SRSF5: variants seen among roughly 807,000 people sequenced by gnomAD.
SRSF5 encodes serine/arginine-rich splicing factor 5.
SRSF5 carries 5 observed loss-of-function variants against 34.0 expected under a neutral mutation model. The ratio of observed to expected loss-of-function variants is 0.15; its 90% CI spans 0.08 to 0.31. The LOEUF is 0.31. SRSF5 is among the 10% of genes least tolerant of loss of function. SRSF5 has a pLI of 1.00. For synonymous variants in SRSF5, 164 were observed against 117.7 expected (o/e 1.39, Z -2.55); for missense variants, 223 against 351.4 (o/e 0.63, Z 2.92).
intron 1 of SRSF5, 178 bp downstream of exon 1, chr14:69,767,433 G>A (rs1411691858): frequency 8.8e-6 from 4 of 455,920 alleles, no homozygotes; most frequent in Admixed American, 2.3e-5. Context: ...GGGTACTGAG[G>A]TGAAAGGGCG....
chr14:69,770,762 G>A (rs1297008077), intron 6 of SRSF5: 1 of 637,114 alleles, frequency 1.6e-6, no homozygotes, highest in Non-Finnish European at 2.7e-6. Flanking sequence ...GTCAGTAGGG[G>A]CTAGGCATCC....
At position 69,768,285 on chromosome 14, in the gene SRSF5, A is replaced by C; in HGVS notation, c.126+3A>C. The C allele has an allele frequency of 6.2e-7, 1 of 1,614,170 alleles. No individual in the cohort carries two copies. Among genetic ancestry groups the C allele is most frequent in the Middle Eastern group, 1.7e-4 (1 of 6,060 alleles). On this transcript the variant is annotated splice_donor_region_variant and intron_variant, in intron 2 of 7. Coordinates refer to ENST00000557154, the MANE Select transcript of SRSF5 (RefSeq NM_001320214.2). ...TGAAAAGAGGCTTTGGTTTTGTGGT[A>C]AGTATTTAGAACTGGGTGAATTATC...
chr14:69,771,337 G>C lies in SRSF5; in HGVS notation c.695G>C (p.Arg232Thr), dbSNP rs1883182366. The C allele has an allele frequency of 6.2e-7, 1 of 1,614,020 alleles. No homozygotes were observed. Among genetic ancestry groups the C allele is most frequent in the Admixed American group, 1.7e-5 (1 of 60,008 alleles). ...CGGAGCAAGTCCCGTTCTGTTAGTA[G>C]GTCTCCCGTGCCTGAGAAGAGCCAG... ...RSRSKSRSVS[R>T]SPVPEKSQKR... The change falls in exon 8 of 8, where the codon AGG becomes ACG. Residue 232 changes from arginine to threonine, a missense_variant. This residue lies in a region of SRSF5 where 115 missense variants were observed against 119.7 expected (regional missense o/e 0.96). Coordinates refer to ENST00000557154, the MANE Select transcript of SRSF5 (RefSeq NM_001320214.2).
chr14:69,769,041 T>C (rs746375407), intron 4 of SRSF5, 141 bp from the exon 5 acceptor site: 4 of 1,282,410 alleles, frequency 3.1e-6, no homozygotes, highest in Non-Finnish European at 4.5e-6. Flanking sequence ...TTGATGAATC[T>C]ATATGAGTCA....
At chr14:69,769,011 C>T (rs1594750566) in intron 4 of SRSF5, 115 bp downstream of exon 4, 3 of 1,290,214 alleles carry the variant, frequency 2.3e-6, no homozygotes, top group Non-Finnish European at 3.3e-6. Context: ...TTCTTCTATT[C>T]CCACGTTAGC....
rs1882769737 is a variant in SRSF5, at chr14:69,768,195, A to G, written c.39A>G (p.Pro13=). 1 of 1,614,240 alleles carries G rather than the reference A, an allele frequency of 6.2e-7. No homozygotes were observed. The highest frequency in any genetic ancestry group is 1.3e-5 in the African/African-American group (1 of 75,064). The change falls in exon 2 of 8, where the codon CCA becomes CCG. Residue 13 remains proline, a synonymous_variant. Coordinates refer to ENST00000557154, the MANE Select transcript of SRSF5 (RefSeq NM_001320214.2). ...GGGTATTCATCGGGAGACTAAATCC[A>G]GCGGCCAGGGAGAAGGACGTGGAAA... is the stretch of plus-strand genomic sequence containing the variant. ...GCRVFIGRLN[P]AAREKDVERF...
Position 69,768,171 on chromosome 14 carries a change from G to C in SRSF5, c.15G>C (p.Arg5=), listed in dbSNP as rs1202447832. Residue 5 remains arginine (R), a synonymous_variant, in exon 2 of 8, where the codon CGG becomes CGC. Coordinates refer to ENST00000557154, the MANE Select transcript of SRSF5 (RefSeq NM_001320214.2). MSGC[R]VFIGRLNPAA... ...AGCCGGACATCATGAGTGGCTGTCG[G>C]GTATTCATCGGGAGACTAAATCCAG... 2.5e-6 allele frequency: 4 copies of C among 1,614,050 alleles called. No individual in the cohort carries two copies. Among genetic ancestry groups the C allele is most frequent in the Non-Finnish European group, 3.4e-6 (4 of 1,180,036 alleles).
chr14:69,769,690 AG>A, intron 5 of SRSF5: 1 of 1,472,012 alleles, frequency 6.8e-7, no homozygotes, highest in South Asian at 1.3e-5. Flanking sequence ...TTGAAGTGCC[AG>A]GTTGCAGCGA....
chr14:69,769,033 G>C, intron 4 of SRSF5, 137 bp downstream of exon 4: 1 of 1,285,448 alleles, frequency 7.8e-7, no homozygotes, highest in Non-Finnish European at 1.1e-6. Flanking sequence ...AGTTGTTCTT[G>C]ATGAATCTAT....
intron 5 of SRSF5, chr14:69,770,109 T>A: frequency 9.7e-7 from 1 of 1,035,666 alleles, no homozygotes; most frequent in Non-Finnish European, 1.2e-6. Context: ...TGTTCTGTTT[T>A]TTTAAATAAA....
intron 2 of SRSF5, 99 bp downstream of exon 2, chr14:69,768,381 A>G (rs1882794827): frequency 1.3e-6 from 2 of 1,523,676 alleles, no homozygotes; most frequent in Admixed American, 3.6e-5. Flanking sequence ...TTGCCTTCAG[A>G]AAATGTTACC....
intron 4 of SRSF5, 58 bp from the exon 5 acceptor site, chr14:69,769,124 T>C (rs1348436381): frequency 6.3e-7 from 1 of 1,597,452 alleles, no homozygotes; most frequent in East Asian, 2.2e-5. Context: ...TGCCCACAGT[T>C]GAACACAAGT....
At chr14:69,769,326 GTTTTA>G in intron 5 of SRSF5, 75 bp downstream of exon 5, 1 of 1,576,006 alleles carries the variant, frequency 6.3e-7, no homozygotes, top group South Asian at 1.2e-5. Flanking sequence ...ATGTTGTATT[GTTTTA>G]TTAAAAGTAG....
chr14:69,769,764 C>T (rs1566627223), intron 5 of SRSF5: 7 of 1,358,618 alleles, frequency 5.2e-6, no homozygotes, highest in South Asian at 3.9e-5. Context: ...GTAACGCTTC[C>T]GAATAAGAGG....
At chr14:69,768,079 A>G (rs934706584) in intron 1 of SRSF5, 59 bp from the exon 2 acceptor site, 2 of 1,577,748 alleles carry the variant, frequency 1.3e-6, no homozygotes, top group Admixed American at 3.4e-5. Flanking sequence ...TGATTGTTTA[A>G]TCAGGCGTTT....
chr14:69,768,684 C>T lies in SRSF5; in HGVS notation c.197+10C>T. The T allele has an allele frequency of 3.1e-6, 5 of 1,613,974 alleles. No individual in the cohort carries two copies. The highest frequency in any genetic ancestry group is 2.2e-5 in the South Asian group (2 of 91,072). ...AACTCTGTAGTGAAAGGTGAGATTCCTGTGTAACTAGATAACCCTGGGACA... is the reference window on the plus strand; with the variant it reads ...AACTCTGTAGTGAAAGGTGAGATTCTTGTGTAACTAGATAACCCTGGGACA... On this transcript the variant is annotated intron_variant, in intron 3 of 7. Coordinates refer to ENST00000557154, the MANE Select transcript of SRSF5 (RefSeq NM_001320214.2).
At position 69,770,517 on chromosome 14, in the gene SRSF5, A is replaced by C. The variant is rs752293740; in HGVS notation, c.417A>C (p.Ala139=). 5.0e-6 allele frequency: 8 copies of C among 1,613,990 alleles called. No homozygotes were observed. Among genetic ancestry groups the C allele is most frequent in the Non-Finnish European group, 5.9e-6 (7 of 1,179,988 alleles). ...RQAGEVTFAD[A]HRPKLNEGVV... is the part of the protein sequence containing the mutation. ...CTGGGGAAGTAACGTTTGCGGATGC[A>C]CACCGACCTAAATTAAATGAAGGGT... Residue 139 remains alanine (A), a synonymous_variant, in exon 6 of 8, where the codon GCA becomes GCC. Transcript: ENST00000557154.
chr14:69,770,912 G>C (rs150565057), intron 6 of SRSF5, 83 bp from the exon 7 acceptor site: 4 of 1,232,994 alleles, frequency 3.2e-6, no homozygotes, highest in Admixed American at 4.7e-5. Context: ...AGTGAACATA[G>C]AAACGACTTA....
intron 5 of SRSF5, 48 bp downstream of exon 5, chr14:69,769,299 AAG>A (rs1882939161): frequency 3.7e-6 from 6 of 1,608,934 alleles, no homozygotes; most frequent in African/African-American, 1.3e-5. Context: ...CTTTTTAAAA[AAG>A]TTAATGGGTA....
Sources: allele counts gnomAD v4.1 joint callset, GRCh38; gene constraint gnomAD v4.1.1; regional missense constraint gnomAD v4.1.1; transcripts MANE v1.5; gene names NCBI Gene and HGNC (gene_info 2026-07-23, HGNC 2026-07-21).